The following CTNNA3 variants were observed in gnomAD, a reference collection of about 807,000 sequenced individuals.
CTNNA3 encodes the protein catenin alpha 3, also known as catenin alpha-3.
Under a neutral mutation model 95.7 loss-of-function variants are expected in CTNNA3, and 76 were observed. That is an observed-to-expected ratio of 0.79 (90% CI 0.66 to 0.96). The LOEUF is 0.96. CTNNA3 is among the 40% of genes least tolerant of loss of function. CTNNA3 has a pLI of 0.00. For synonymous variants in CTNNA3, 431 were observed against 374.4 expected (o/e 1.15, Z -1.74); for missense variants, 1,191 against 1,089.8 (o/e 1.09, Z -1.31).
intron 7 of CTNNA3, among the ~76,000 whole-genome samples, chr10:67,015,652 T>G (rs906733062): frequency 3.3e-5 from 5 of 152,202 alleles, no homozygotes; most frequent in African/African-American, 1.2e-4. Flanking sequence ...CTATCTAAAA[T>G]TGTCCTAGAA....
At chr10:67,552,405 C>T (rs979459774) in intron 3 of CTNNA3, among the ~76,000 whole-genome samples, 4 of 151,794 alleles carry the variant, frequency 2.6e-5, no homozygotes, top group African/African-American at 7.3e-5. Flanking sequence ...GCAGGATGTA[C>T]AGGTTTGTTA....
At chr10:66,380,655 A>G (rs2092831614) in intron 11 of CTNNA3, among the ~76,000 whole-genome samples, 1 of 149,250 alleles carries the variant, frequency 6.7e-6, no homozygotes, top group Admixed American at 6.7e-5. Context: ...AATTAATTAT[A>G]TATAGTTAAA....
At chr10:66,586,665 C>T (rs546914286) in intron 10 of CTNNA3, among the ~76,000 whole-genome samples, 112 of 151,978 alleles carry the variant, frequency 7.4e-4, no homozygotes, top group Non-Finnish European at 1.5e-3. Context: ...GAGAGAAGCC[C>T]CAGCTCTCTG....
chr10:67,433,815 T>C lies in CTNNA3; in HGVS notation c.579+88027A>G, dbSNP rs183463871. 1.9e-3 allele frequency among the ~76,000 whole-genome samples: 283 copies of C among 152,160 alleles called. 1 individual carries two copies. Among genetic ancestry groups the C allele is most frequent in the South Asian group, 0.012 (58 of 4,824 alleles). ...TAGACACCACTTCGCACAATAGCTT[T>C]AAGTGGACAAATATGAATCAACCCT... On this transcript the variant is annotated intron_variant, in intron 5 of 17. Coordinates refer to ENST00000433211, the MANE Select transcript of CTNNA3 (RefSeq NM_013266.4).
At chr10:67,638,366 T>A (rs1839400706) in intron 2 of CTNNA3, among the ~76,000 whole-genome samples, 1 of 152,138 alleles carries the variant, frequency 6.6e-6, no homozygotes, top group Admixed American at 6.5e-5. Flanking sequence ...AAGCAAGTCC[T>A]TAGAGACCTA....
intron 5 of CTNNA3, among the ~76,000 whole-genome samples, chr10:67,464,387 C>T (rs72806677): frequency 0.1 from 15,635 of 152,200 alleles, 1,119 homozygotes; most frequent in Non-Finnish European, 0.17. Context: ...AATTATCTTT[C>T]TTGTGACTTT....
chr10:67,357,713 G>T (rs953059227), intron 5 of CTNNA3, among the ~76,000 whole-genome samples: 3 of 151,898 alleles, frequency 2.0e-5, no homozygotes, highest in Admixed American at 6.6e-5. Flanking sequence ...TGACCCCAAA[G>T]TTCTTATAAA....
At chr10:67,509,627 T>C (rs904567916) in intron 5 of CTNNA3, among the ~76,000 whole-genome samples, 1 of 152,374 alleles carries the variant, frequency 6.6e-6, no homozygotes, top group Non-Finnish European at 1.5e-5. Flanking sequence ...GTCTTTGCTA[T>C]TGTGAATAGT....
At chr10:66,543,940 T>C (rs1029802242) in intron 10 of CTNNA3, among the ~76,000 whole-genome samples, 9 of 145,236 alleles carry the variant, frequency 6.2e-5, no homozygotes, top group African/African-American at 2.3e-4. Flanking sequence ...TATATATATA[T>C]ATATATATAT....
At chr10:67,676,980 G>A (rs1840547337) in intron 1 of CTNNA3, among the ~76,000 whole-genome samples, 1 of 152,026 alleles carries the variant, frequency 6.6e-6, no homozygotes, top group African/African-American at 2.4e-5. Flanking sequence ...GTACTAATTT[G>A]ATGCAGGGGT....
At chr10:66,156,373 C>T (rs532170795) in intron 13 of CTNNA3, among the ~76,000 whole-genome samples, 1 of 151,972 alleles carries the variant, frequency 6.6e-6, no homozygotes, top group South Asian at 2.1e-4. Context: ...ACAAATACCG[C>T]CATCAGGAAA....
chr10:66,770,463 T>C (rs991156236), intron 8 of CTNNA3, among the ~76,000 whole-genome samples: 2 of 152,182 alleles, frequency 1.3e-5, no homozygotes, highest in African/African-American at 4.8e-5. Context: ...GAATTACAGA[T>C]ACATACTTTC....
At chr10:67,452,581 T>C (rs1847029391) in intron 5 of CTNNA3, among the ~76,000 whole-genome samples, 1 of 152,222 alleles carries the variant, frequency 6.6e-6, no homozygotes, top group Admixed American at 6.5e-5. Context: ...ATTGTAAGTA[T>C]ATTTTAATAC....
chr10:67,750,195 A>G (rs1841398168), intron 1 of CTNNA3: 4 of 1,309,716 alleles, frequency 3.1e-6, no homozygotes, highest in African/African-American at 1.5e-5. Flanking sequence ...GAAGTCAGTG[A>G]GACCAAGAAC....
At chr10:66,088,558 C>T (rs2081082070) in intron 14 of CTNNA3, among the ~76,000 whole-genome samples, 1 of 143,632 alleles carries the variant, frequency 7.0e-6, no homozygotes, top group South Asian at 2.2e-4. Flanking sequence ...TATCTTTCTG[C>T]AGTTCTCCAA....
chr10:67,437,531 AT>A (rs1846344502), intron 5 of CTNNA3, among the ~76,000 whole-genome samples: 1 of 152,102 alleles, frequency 6.6e-6, no homozygotes, highest in East Asian at 1.9e-4. Context: ...AAATATAAAA[AT>A]TACACAAAAA....
At chr10:67,306,614 A>T (rs1011715419) in intron 5 of CTNNA3, among the ~76,000 whole-genome samples, 2 of 152,182 alleles carry the variant, frequency 1.3e-5, no homozygotes, top group African/African-American at 4.8e-5. Flanking sequence ...GAGTGGCCGG[A>T]AAAAGAGGAA....
At chr10:66,669,742 T>C (rs1846590048) in intron 9 of CTNNA3, among the ~76,000 whole-genome samples, 1 of 152,110 alleles carries the variant, frequency 6.6e-6, no homozygotes, top group Non-Finnish European at 1.5e-5. Flanking sequence ...CCCTTGAGCA[T>C]GAATTTTCCA....
intron 7 of CTNNA3, among the ~76,000 whole-genome samples, chr10:67,010,438 C>G (rs1013996455): frequency 9.9e-5 from 15 of 152,100 alleles, no homozygotes; most frequent in Non-Finnish European, 1.6e-4. Flanking sequence ...TGTTGGATTG[C>G]TGACTTAATG....
Sources: allele counts gnomAD v4.1 joint callset (sites outside exome capture counted in the v4.1 genomes callset), GRCh38; gene constraint gnomAD v4.1.1; transcripts MANE v1.5; gene names NCBI Gene and HGNC (gene_info 2026-07-23, HGNC 2026-07-21).